RIMS2: variants seen among roughly 807,000 people sequenced by gnomAD.
The protein encoded by RIMS2 is regulating synaptic membrane exocytosis protein 2.
A neutral mutation model predicts 174.4 loss-of-function variants in RIMS2; 59 were observed. The observed-to-expected ratio is 0.34, with a 90% CI of 0.27 to 0.42. The LOEUF is 0.42. RIMS2 is among the 10% of genes least tolerant of loss of function. The probability of loss-of-function intolerance (pLI) is 1.00; values close to 1 mark genes in which losing one functional copy is unlikely to be tolerated. For missense variants in RIMS2, 1,620 were observed against 1,666.3 expected (o/e 0.97, Z 0.48); for synonymous variants, 606 against 572.5 (o/e 1.06, Z -0.84).
intron 19 of RIMS2, among the ~76,000 whole-genome samples, chr8:104,115,341 T>C (rs886110073): frequency 1.3e-5 from 2 of 152,128 alleles, no homozygotes; most frequent in African/African-American, 4.8e-5. Flanking sequence ...TGCATACTTA[T>C]AATGAGAATT....
intron 1 of RIMS2, among the ~76,000 whole-genome samples, chr8:103,695,617 A>T (rs2137230622): frequency 6.6e-6 from 1 of 151,610 alleles, no homozygotes; most frequent in East Asian, 1.9e-4. Flanking sequence ...ATATGTGTCC[A>T]TCTGGAAAAG....
At chr8:103,634,653 A>G (rs758369562) in intron 1 of RIMS2, among the ~76,000 whole-genome samples, 4 of 152,130 alleles carry the variant, frequency 2.6e-5, no homozygotes, top group Non-Finnish European at 5.9e-5. Context: ...TTGATAGTCT[A>G]TGTCTCTGTA....
chr8:103,768,773 A>T, intron 3 of RIMS2: 1 of 738,312 alleles, frequency 1.4e-6, no homozygotes. Context: ...TTAAACAAAG[A>T]AGGTAAGAAA....
chr8:103,934,818 C>T lies in RIMS2; in HGVS notation c.2376-1733C>T, dbSNP rs183630833. ...GTTCAAGCAATTCTCCTGCCTCAGC[C>T]TCCCTAGTAGCTGGGATTACAGGCA... On this transcript the variant is annotated intron_variant, in intron 12 of 23. Transcript: ENST00000504942. Among the ~76,000 whole-genome samples, 1,170 of 152,206 alleles carry T rather than the reference C, an allele frequency of 7.7e-3. 10 individuals carry two copies. Among genetic ancestry groups the T allele is most frequent in the Non-Finnish European group, 0.012 (810 of 67,994 alleles).
chr8:104,141,179 T>A (rs2098566049), intron 19 of RIMS2, among the ~76,000 whole-genome samples: 1 of 152,146 alleles, frequency 6.6e-6, no homozygotes, highest in African/African-American at 2.4e-5. Context: ...TTAGGTACCA[T>A]GAGCATGGTG....
intron 1 of RIMS2, among the ~76,000 whole-genome samples, chr8:103,612,381 G>A (rs1820445): frequency 0.18 from 27,552 of 151,894 alleles, 2,701 homozygotes; most frequent in African/African-American, 0.25. Flanking sequence ...GAAGAGTTAG[G>A]TATTTATTGT....
At chr8:103,762,360 G>A (rs1278796209) in intron 2 of RIMS2, among the ~76,000 whole-genome samples, 1 of 152,052 alleles carries the variant, frequency 6.6e-6, no homozygotes, top group Non-Finnish European at 1.5e-5. Flanking sequence ...TCTAACCAGG[G>A]AGATTTATAG....
In RIMS2 at chr8:103,964,633, CT is replaced by C. The variant is rs560809948; in HGVS notation, c.2770+3502del. 2.6e-3 allele frequency among the ~76,000 whole-genome samples: 402 copies of C among 152,104 alleles called. 3 individuals carry two copies. The highest frequency in any genetic ancestry group is 8.5e-3 in the African/African-American group (353 of 41,514). On this transcript the variant is annotated intron_variant, in intron 15 of 23. Coordinates refer to ENST00000504942, the Ensembl canonical transcript of RIMS2. ...TGTGGCTTCTTAAAGCAGGGATTGT[CT>C]TGACATTGTCTTTTGCAGAGCAGTT...
intron 2 of RIMS2, among the ~76,000 whole-genome samples, chr8:103,736,850 A>G (rs1165159503): frequency 6.6e-6 from 1 of 152,158 alleles, no homozygotes; most frequent in African/African-American, 2.4e-5. Flanking sequence ...ACATTTAGGT[A>G]GAACAGAATC....
intron 19 of RIMS2, among the ~76,000 whole-genome samples, chr8:104,117,288 G>A (rs2098293998): frequency 6.6e-6 from 1 of 152,026 alleles, no homozygotes; most frequent in Admixed American, 6.6e-5. Flanking sequence ...ACTTCTGTAA[G>A]TTTTGGATAT....
At chr8:103,682,111 G>GT (rs1448446557) in intron 1 of RIMS2, among the ~76,000 whole-genome samples, 1 of 152,050 alleles carries the variant, frequency 6.6e-6, no homozygotes, top group Non-Finnish European at 1.5e-5. Context: ...TAGGAAAACT[G>GT]TGAGTTTTCT....
chr8:103,581,422 C>T (rs796456497), intron 1 of RIMS2, among the ~76,000 whole-genome samples: 23 of 152,230 alleles, frequency 1.5e-4, no homozygotes, highest in African/African-American at 5.1e-4. Flanking sequence ...TGAAATTTGA[C>T]ATCCTTTTAT....
At chr8:103,912,018 A>G (rs769782123) in intron 5 of RIMS2, 35 bp from the exon 9 acceptor site, 3 of 1,478,176 alleles carry the variant, frequency 2.0e-6, no homozygotes, top group Non-Finnish European at 2.8e-6. Context: ...TTTATTTTGT[A>G]TTTATTTATT....
chr8:103,847,552 C>T (rs566709975), intron 3 of RIMS2, among the ~76,000 whole-genome samples: 8 of 152,166 alleles, frequency 5.3e-5, no homozygotes, highest in African/African-American at 1.9e-4. Context: ...GTAGGTAAAG[C>T]AGGCAGTCTA....
At chr8:103,743,868 G>C (rs2097783100) in intron 2 of RIMS2, among the ~76,000 whole-genome samples, 1 of 152,074 alleles carries the variant, frequency 6.6e-6, no homozygotes, top group Non-Finnish European at 1.5e-5. Flanking sequence ...CATAAATGGG[G>C]TTGAACTTTA....
chr8:103,845,051 AGTCTTT>A (rs2098960567), intron 3 of RIMS2, among the ~76,000 whole-genome samples: 3 of 152,062 alleles, frequency 2.0e-5, no homozygotes, highest in Admixed American at 6.6e-5. Flanking sequence ...ATTTCTGTCA[AGTCTTT>A]GTTTTTTAAC....
At chr8:104,041,295 T>A (rs1423486488) in intron 19 of RIMS2, 31 bp from the exon 22 acceptor site, 2 of 680,536 alleles carry the variant, frequency 2.9e-6, no homozygotes, top group Non-Finnish European at 5.4e-6. Context: ...CTCCTTTGTC[T>A]ATGTCTGTCC....
At chr8:104,063,939 G>A (rs906468170) in intron 19 of RIMS2, among the ~76,000 whole-genome samples, 3 of 152,070 alleles carry the variant, frequency 2.0e-5, no homozygotes, top group Non-Finnish European at 2.9e-5. Context: ...AACTTAAAAC[G>A]ATTACTGTTT....
At chr8:104,192,420 C>G (rs754568546) in intron 19 of RIMS2, among the ~76,000 whole-genome samples, 2 of 151,886 alleles carry the variant, frequency 1.3e-5, no homozygotes, top group Non-Finnish European at 1.5e-5. Flanking sequence ...AGTTCCAATT[C>G]TTATACTTTA....
Sources: allele counts gnomAD v4.1 joint callset (sites outside exome capture counted in the v4.1 genomes callset), GRCh38; gene constraint gnomAD v4.1.1; transcripts MANE v1.5; gene names NCBI Gene and HGNC (gene_info 2026-07-23, HGNC 2026-07-21).